DNAH10: variants seen among roughly 807,000 people sequenced by gnomAD.
DNAH10 encodes the protein axonemal beta dynein heavy chain 10.
Under a neutral mutation model 506.6 loss-of-function variants are expected in DNAH10, and 348 were observed. That is an observed-to-expected ratio of 0.69 (90% CI 0.63 to 0.75). The LOEUF is 0.75. Ranked by LOEUF, DNAH10 falls within the 30% of genes least tolerant of loss-of-function variation. The probability of loss-of-function intolerance (pLI) is 0.00; values close to 1 mark genes in which losing one functional copy is unlikely to be tolerated. For synonymous variants in DNAH10, 2,059 were observed against 2,198.6 expected (o/e 0.94, Z 1.78); for missense variants, 5,179 against 5,787.1 (o/e 0.89, Z 3.41).
intron 5 of DNAH10, among the ~76,000 whole-genome samples, chr12:123,774,866 T>C (rs1265858316): frequency 6.6e-6 from 1 of 152,176 alleles, no homozygotes; most frequent in Non-Finnish European, 1.5e-5. Flanking sequence ...GGCCAGTTTG[T>C]GGCCAGATTT....
intron 56 of DNAH10, among the ~76,000 whole-genome samples, chr12:123,900,056 A>G (rs1160469635): frequency 6.6e-6 from 1 of 152,010 alleles, no homozygotes; most frequent in Non-Finnish European, 1.5e-5. Flanking sequence ...TCACAGCATC[A>G]CTTCTTCATG....
chr12:123,790,454 C>T lies in DNAH10; in HGVS notation c.1815+333C>T, dbSNP rs544660165. Among the ~76,000 whole-genome samples, 6 of 152,118 alleles carry T rather than the reference C, an allele frequency of 3.9e-5. No homozygotes were observed. In the South Asian group the frequency reaches 1.0e-3, roughly 26 times the overall value. On this transcript the variant is annotated intron_variant, in intron 11 of 78. Coordinates refer to ENST00000673944, the MANE Select transcript of DNAH10 (RefSeq NM_001372106.1). ...CAGATATGGCAAGAGAATCACAAAG[C>T]GCCCTGTGAGTTTTTGAGAATTGCG...
At chr12:123,801,862 A>G (rs148204903) in intron 16 of DNAH10, among the ~76,000 whole-genome samples, 24 of 152,324 alleles carry the variant, frequency 1.6e-4, no homozygotes, top group African/African-American at 4.3e-4. Context: ...GATAGAGAGC[A>G]TTTTCAACAC....
At chr12:123,884,051 C>T (rs1470162975) in intron 51 of DNAH10, among the ~76,000 whole-genome samples, 2 of 152,062 alleles carry the variant, frequency 1.3e-5, no homozygotes, top group Non-Finnish European at 2.9e-5. Flanking sequence ...TCTTCGCCCC[C>T]GAGATGGAGT....
In DNAH10 at chr12:123,923,457, G is replaced by A. The variant is rs576167378; in HGVS notation, c.11507-306G>A. On this transcript the variant is annotated intron_variant, in intron 65 of 78. Coordinates refer to ENST00000673944, the MANE Select transcript of DNAH10 (RefSeq NM_001372106.1). The stretch of plus-strand genomic sequence containing the variant: ...CAACCTGCCTTCAGTGGAGAGGGCT[G>A]CCCCTGCTGTACTGCCCCTCACTGG... 5.4e-4 allele frequency: 111 copies of A among 205,194 alleles called. 1 individual carries two copies. The highest frequency in any genetic ancestry group is 2.3e-3 in the African/African-American group (99 of 43,298). The allele number at this position is 205,194 out of a possible 1,614,324, so 12.7% of individuals were successfully genotyped here. A position where few individuals can be genotyped will look rare whatever the true frequency, so the allele number is the denominator to read the frequency against.
chr12:123,861,566 C>G (rs946474051), intron 39 of DNAH10, among the ~76,000 whole-genome samples: 1 of 152,174 alleles, frequency 6.6e-6, no homozygotes, highest in African/African-American at 2.4e-5. Flanking sequence ...TAGCAAAGGG[C>G]CATGGAAAGT....
In DNAH10 at chr12:123,762,580, G is replaced by A. The variant is rs772438964; in HGVS notation, c.214+30G>A. On this transcript the variant is annotated intron_variant, in intron 1 of 78. Transcript: ENST00000673944. This position sits in a 1 kb window ranked among gnomAD's most constrained non-coding sequence, Gnocchi z 5.0. Reference sequence around the variant, plus strand: ...GCCTCGACGCGCCGCTCCCTTCCCCGGGCTTCCCTCCTGCCCGTCCCGGCC... The same window carrying A: ...GCCTCGACGCGCCGCTCCCTTCCCCAGGCTTCCCTCCTGCCCGTCCCGGCC... 10 of 1,531,900 alleles carry A rather than the reference G, an allele frequency of 6.5e-6. No homozygotes were observed. The highest frequency in any genetic ancestry group is 8.8e-6 in the Non-Finnish European group (10 of 1,140,184). 94.9% of individuals were successfully genotyped at this position (1,531,900 alleles called of 1,614,324 possible). A position where few individuals can be genotyped will look rare whatever the true frequency, so the allele number is the denominator to read the frequency against.
At chr12:123,878,569 TGGAATTGG>T (rs1256545801) in intron 48 of DNAH10, among the ~76,000 whole-genome samples, 1 of 152,162 alleles carries the variant, frequency 6.6e-6, no homozygotes, top group Non-Finnish European at 1.5e-5. Flanking sequence ...GGGAAAGTTC[TGGAATTGG>T]GGCCAGATTG....
intron 52 of DNAH10, among the ~76,000 whole-genome samples, chr12:123,890,915 G>C (rs1344721802): frequency 6.6e-6 from 1 of 152,180 alleles, no homozygotes; most frequent in Admixed American, 6.5e-5. Context: ...GTGGCATTAG[G>C]AGCGTGTTGA....
rs769378417 is a variant in DNAH10 at position 123,850,980 on chromosome 12, G to C, written c.6195G>C (p.Ser2065=). Residue 2065 remains serine (S), a synonymous_variant, in exon 35 of 79, where the codon TCG becomes TCC. Transcript: ENST00000673944. This position sits in a 1 kb window ranked among gnomAD's most constrained non-coding sequence, Gnocchi z 5.5. ...GYAGRTELPE[S]VKALFRPVVV... ...CAGGCCGCACGGAGCTGCCCGAGTCGGTGAAGGCGCTGTTCAGGCCTGTGG... is the reference window on the plus strand; with the variant it reads ...CAGGCCGCACGGAGCTGCCCGAGTCCGTGAAGGCGCTGTTCAGGCCTGTGG... 6.2e-7 allele frequency: 1 copy of C among 1,613,988 alleles called. No homozygotes were observed. The highest frequency in any genetic ancestry group is 8.5e-7 in the Non-Finnish European group (1 of 1,179,968).
At chr12:123,834,277 G>A (rs1040329294) in intron 27 of DNAH10, among the ~76,000 whole-genome samples, 3 of 152,006 alleles carry the variant, frequency 2.0e-5, no homozygotes, top group Non-Finnish European at 4.4e-5. Flanking sequence ...GTGCCATCTC[G>A]GCTCATTGCA....
At chr12:123,924,463 C>T (rs771850799) in intron 67 of DNAH10, 31 bp downstream of exon 67, 14 of 1,602,960 alleles carry the variant, frequency 8.7e-6, no homozygotes, top group African/African-American at 2.7e-5. Flanking sequence ...TCCTCCTCTC[C>T]TTCCCCACAT....
intron 38 of DNAH10, 126 bp downstream of exon 38, chr12:123,859,394 C>A: frequency 1.4e-6 from 1 of 692,994 alleles, no homozygotes; most frequent in Non-Finnish European, 2.3e-6. Flanking sequence ...TAATACACAC[C>A]CCTTTCGACT....
chr12:123,907,363 A>G lies in DNAH10; in HGVS notation c.9816-1898A>G, dbSNP rs1472744996. On this transcript the variant is annotated intron_variant, in intron 57 of 78. Coordinates refer to ENST00000673944, the MANE Select transcript of DNAH10 (RefSeq NM_001372106.1). This position sits in a 1 kb window ranked among gnomAD's most constrained non-coding sequence, Gnocchi z 4.4. ...TATTTTCCTCTAGGGAGGGTAGCAT[A>G]TCATTCTCCCTTTCTCATTCCTGAG... 6.6e-6 allele frequency among the ~76,000 whole-genome samples: 1 copy of G among 152,216 alleles called. No homozygotes were observed. Among genetic ancestry groups the G allele is most frequent in the Admixed American group, 6.5e-5 (1 of 15,288 alleles).
chr12:123,765,672 T>C (rs1300292259), intron 1 of DNAH10, among the ~76,000 whole-genome samples: 2 of 151,802 alleles, frequency 1.3e-5, no homozygotes, highest in Non-Finnish European at 2.9e-5. Flanking sequence ...TCTCTCTCTA[T>C]TATCTATCTA....
chr12:123,925,158 G>T lies in DNAH10; in HGVS notation c.11875G>T (p.Val3959Phe). ...TTTGCGCTGTTTCCGTGTGGATCGG[G>T]TCTATCGGGCCGTGACTGACTATGT... ...LILRCFRVDR[V>F]YRAVTDYVTV... is the part of the protein sequence containing the mutation. The change falls in exon 68 of 79, where the codon GTC becomes TTC. Residue 3959 changes from valine to phenylalanine, a missense_variant. Around this residue, in one of 3 missense-constraint regions of DNAH10, gnomAD observed 4,844 missense variants for 5,430.5 expected, o/e 0.89. Coordinates refer to ENST00000673944, the MANE Select transcript of DNAH10 (RefSeq NM_001372106.1). The surrounding 1 kb of genome is among the most constrained non-coding windows in gnomAD (Gnocchi z 4.0). 6.2e-7 allele frequency: 1 copy of T among 1,613,918 alleles called. No individual in the cohort carries two copies. The highest frequency in any genetic ancestry group is 8.5e-7 in the Non-Finnish European group (1 of 1,179,878).
intron 18 of DNAH10, among the ~76,000 whole-genome samples, chr12:123,808,545 G>A (rs1208420241): frequency 6.6e-6 from 1 of 152,152 alleles, no homozygotes; most frequent in Non-Finnish European, 1.5e-5. Context: ...GGTTTTGGAA[G>A]TCATTATTGT....
At chr12:123,799,412 C>T (rs768799685) in intron 14 of DNAH10, 41 bp downstream of exon 14, 4 of 1,586,852 alleles carry the variant, frequency 2.5e-6, no homozygotes, top group East Asian at 2.2e-5. Context: ...CCGCGTGAGA[C>T]GATGGCGTCT....
intron 13 of DNAH10, among the ~76,000 whole-genome samples, chr12:123,798,797 A>G (rs966308367): frequency 6.7e-6 from 1 of 148,498 alleles, no homozygotes; most frequent in African/African-American, 2.4e-5. Flanking sequence ...GATATGAAAA[A>G]ATGTTTATAT....
Sources: allele counts gnomAD v4.1 joint callset (sites outside exome capture counted in the v4.1 genomes callset), GRCh38; gene constraint gnomAD v4.1.1; regional missense constraint gnomAD v4.1.1; non-coding constraint Gnocchi (gnomAD v3.1); transcripts MANE v1.5; gene names NCBI Gene and HGNC (gene_info 2026-07-23, HGNC 2026-07-21).